FNTA: variants seen among roughly 807,000 people sequenced by gnomAD.
FNTA encodes the protein farnesyltransferase, CAAX box, subunit alpha, also known as protein farnesyltransferase/geranylgeranyltransferase type-1 subunit alpha.
Under a neutral mutation model 55.2 loss-of-function variants are expected in FNTA, and 27 were observed. The ratio of observed to expected loss-of-function variants is 0.49; its 90% CI spans 0.36 to 0.67. FNTA has a LOEUF of 0.67. Among genes scored for constraint, FNTA ranks in the 30% least tolerant of loss-of-function variants. FNTA has a pLI of 0.00. For synonymous variants in FNTA, 176 were observed against 170.7 expected, an observed-to-expected ratio of 1.03 and a Z score of -0.24; for missense variants, 422 against 464.7, an observed-to-expected ratio of 0.91 and a Z score of 0.85.
rs183884978 is a variant in FNTA, at chr8:43,070,027, G to T, written c.506+368G>T. The T allele has an allele frequency of 2.2e-3, 346 of 155,038 alleles. 3 individuals carry two copies. The highest frequency in any genetic ancestry group is 7.7e-3 in the African/African-American group (319 of 41,408). The allele number at this position is 155,038 out of a possible 1,614,324, so 9.6% of individuals were successfully genotyped here. A position where few individuals can be genotyped will look rare whatever the true frequency, so the allele number is the denominator to read the frequency against. ...CCAGCAGTTTGGGAGGCTGAGGCGA[G>T]CAGATCACTTGAGTTCAGGAGTTTG... On this transcript the variant is annotated intron_variant, in intron 4 of 8. Coordinates refer to ENST00000302279, the MANE Select transcript of FNTA (RefSeq NM_002027.3).
chr8:43,073,447 TTTTATACATTATTTAA>T (rs1192656117), intron 5 of FNTA: 3 of 152,196 alleles, frequency 2.0e-5, no homozygotes, highest in Middle Eastern at 6.3e-3. Flanking sequence ...TTTCTATTTA[TTTTATACATTATTTAA>T]TTCATGTGAG....
At chr8:43,065,114 G>A (rs990498204) in intron 3 of FNTA, among the ~76,000 whole-genome samples, 2 of 152,052 alleles carry the variant, frequency 1.3e-5, no homozygotes, top group African/African-American at 2.4e-5. Flanking sequence ...GATTACAGGC[G>A]TGAACCACCG....
At chr8:43,069,171 A>AGT (rs887136881) in intron 3 of FNTA, among the ~76,000 whole-genome samples, 10 of 151,644 alleles carry the variant, frequency 6.6e-5, no homozygotes, top group Admixed American at 2.0e-4. Context: ...GCTAGTGTGC[A>AGT]GTGGTGTGAT....
intron 5 of FNTA, chr8:43,073,730 T>A (rs1441011722): frequency 1.3e-5 from 2 of 152,128 alleles, no homozygotes; most frequent in Non-Finnish European, 2.9e-5. Context: ...AGGGGACATT[T>A]TTGGTTGTCA....
chr8:43,071,344 A>G (rs553574392), intron 4 of FNTA, among the ~76,000 whole-genome samples: 7 of 152,274 alleles, frequency 4.6e-5, no homozygotes, highest in African/African-American at 1.7e-4. Flanking sequence ...TAAAAATGGA[A>G]CCCAATATAA....
intron 3 of FNTA, among the ~76,000 whole-genome samples, chr8:43,066,695 G>T (rs1810668734): frequency 6.6e-6 from 1 of 151,568 alleles, no homozygotes. Flanking sequence ...GGTAATTCTT[G>T]ACTTTCTCTT....
intron 3 of FNTA, 120 bp downstream of exon 3, chr8:43,064,335 C>G: frequency 1.6e-6 from 1 of 616,286 alleles, no homozygotes; most frequent in South Asian, 1.9e-5. Flanking sequence ...GAGGGGGGTG[C>G]AGTTTCACTC....
At chr8:43,074,560 CA>C (rs1810866670) in intron 5 of FNTA, among the ~76,000 whole-genome samples, 1 of 151,850 alleles carries the variant, frequency 6.6e-6, no homozygotes, top group Non-Finnish European at 1.5e-5. Flanking sequence ...TACACACACA[CA>C]CACACACACT....
intron 7 of FNTA, 50 bp from the exon 8 acceptor site, chr8:43,084,660 T>G (rs1294230466): frequency 5.5e-6 from 8 of 1,451,532 alleles, no homozygotes; most frequent in Non-Finnish European, 7.5e-6. Flanking sequence ...TCTACTGCTT[T>G]TGTTCTTCCT....
chr8:43,077,386 C>T, intron 6 of FNTA, 22 bp downstream of exon 6: 1 of 1,586,396 alleles, frequency 6.3e-7, no homozygotes, highest in Non-Finnish European at 8.6e-7. Context: ...CCTTCACTTG[C>T]TCATTCGTTA....
chr8:43,081,699 A>C (rs1490419213), intron 6 of FNTA: 2 of 152,260 alleles, frequency 1.3e-5, no homozygotes, highest in Admixed American at 6.6e-5. Flanking sequence ...AGTAGCTGGG[A>C]CTACAGGCAT....
At chr8:43,069,765 C>T (rs1810745153) in intron 4 of FNTA, 106 bp downstream of exon 4, 1 of 672,492 alleles carries the variant, frequency 1.5e-6, no homozygotes, top group African/African-American at 1.8e-5. Context: ...CAGCTTCAGC[C>T]TCCTGGGTAG....
intron 1 of FNTA, 44 bp from the exon 2 acceptor site, chr8:43,059,048 C>T (rs748033701): frequency 7.4e-7 from 1 of 1,349,880 alleles, no homozygotes; most frequent in South Asian, 1.2e-5. Context: ...CCCTTTTCTT[C>T]TGTATTTGAA....
chr8:43,063,364 G>A, intron 2 of FNTA: 1 of 454,480 alleles, frequency 2.2e-6, no homozygotes, highest in Non-Finnish European at 4.4e-6. Flanking sequence ...GTAATCCAAT[G>A]CTCCCAATAA....
Position 43,064,173 on chromosome 8 carries a change from C to G in FNTA, c.359C>G (p.Thr120Ser), listed in dbSNP as rs200796658. The G allele has an allele frequency of 5.0e-6, 8 of 1,613,886 alleles. No homozygotes were observed. The East Asian group carries it at 1.3e-4, about 27-fold the overall frequency. The change falls in exon 3 of 9, where the codon ACC (threonine) becomes AGC (serine). Residue 120 changes from threonine (T) to serine (S), a missense_variant. This residue lies in a region of FNTA where 262 missense variants were observed against 343.1 expected (regional missense o/e 0.76). Coordinates refer to ENST00000302279, the MANE Select transcript of FNTA (RefSeq NM_002027.3). ...AGAAGTGAACGAGCTTTTAAGCTAA[C>G]CCGGGATGCTATTGAGTTAAATGCA... is the stretch of plus-strand genomic sequence containing the variant. ...DERSERAFKLTRDAIELNAAN... is the reference protein window; with the variant it reads ...DERSERAFKLSRDAIELNAAN...
At chr8:43,056,823 C>T (rs1371418584) in intron 1 of FNTA, 1 of 163,558 alleles carries the variant, frequency 6.1e-6, no homozygotes, top group African/African-American at 2.4e-5. Flanking sequence ...TGCACTCGTT[C>T]AGCTGTTCAG....
rs559113793 is a variant in FNTA at position 43,069,595 on chromosome 8, C to A, written c.442C>A (p.Leu148Ile). 1 of 1,613,582 alleles carries A rather than the reference C, an allele frequency of 6.2e-7. No individual in the cohort carries two copies. The highest frequency in any genetic ancestry group is 1.3e-5 in the African/African-American group (1 of 75,010). ...RVLLKSLQKDLHEEMNYITAI... is the reference protein window; with the variant it reads ...RVLLKSLQKDIHEEMNYITAI... ...TCTTTTGAAGTCACTTCAGAAGGAT[C>A]TACATGAGGAAATGAACTACATCAC... The change falls in exon 4 of 9, where the codon CTA becomes ATA. Residue 148 changes from leucine to isoleucine, a missense_variant. This residue lies in a region of FNTA where 262 missense variants were observed against 343.1 expected (regional missense o/e 0.76). Coordinates refer to ENST00000302279, the MANE Select transcript of FNTA (RefSeq NM_002027.3).
rs763153087 is a variant in FNTA, at chr8:43,085,163, T to C, written c.1021T>C (p.Cys341Arg). The change falls in exon 9 of 9, where the codon TGT (cysteine) becomes CGT (arginine). Residue 341 changes from cysteine (C) to arginine (R), a missense_variant. Coordinates refer to ENST00000302279, the MANE Select transcript of FNTA (RefSeq NM_002027.3). ...AATTTTTATTTTTCATTTTCAGTTA[T>C]GTGAAATCCTAGCTAAAGAAAAGGA... Reference protein sequence around the residue: ...EDILNKALELCEILAKEKDTI... With the variant: ...EDILNKALELREILAKEKDTI... 2 of 1,533,568 alleles carry C rather than the reference T, an allele frequency of 1.3e-6. No individual in the cohort carries two copies. Among genetic ancestry groups the C allele is most frequent in the African/African-American group, 1.4e-5 (1 of 71,744 alleles). 95.0% of individuals were successfully genotyped at this position (1,533,568 alleles called of 1,614,324 possible). A position where few individuals can be genotyped will look rare whatever the true frequency, so the allele number is the denominator to read the frequency against.
chr8:43,075,912 C>T (rs541413757), intron 5 of FNTA, among the ~76,000 whole-genome samples: 71 of 150,348 alleles, frequency 4.7e-4, no homozygotes, highest in Non-Finnish European at 9.0e-4. Context: ...CTGTTTCTGT[C>T]GCCCAGAGTG....
Sources: gnomAD v4.1 joint callset for allele counts (sites outside exome capture counted in the v4.1 genomes callset) on GRCh38, gnomAD v4.1.1 for gene constraint, gnomAD v4.1.1 regional missense constraint, MANE v1.5 for transcripts, NCBI Gene and HGNC (gene_info 2026-07-23, HGNC 2026-07-21) for gene names.